MAPK8: variants seen among roughly 807,000 people sequenced by gnomAD.
The protein encoded by MAPK8 is JUN N-terminal kinase.
MAPK8 carries 13 observed loss-of-function variants against 52.9 expected under a neutral mutation model. The observed-to-expected ratio is 0.25, with a 90% CI of 0.16 to 0.39. The LOEUF (loss-of-function observed/expected upper bound fraction) is 0.39. MAPK8 is among the 10% of genes least tolerant of loss of function. MAPK8 has a pLI of 1.00. For missense variants in MAPK8, 300 were observed against 519.2 expected, an observed-to-expected ratio of 0.58 and a Z score of 4.10; for synonymous variants, 191 against 169.8, an observed-to-expected ratio of 1.12 and a Z score of -0.97.
intron 1 of MAPK8, among the ~76,000 whole-genome samples, chr10:48,346,549 A>G (rs2091611): frequency 0.79 from 120,190 of 152,100 alleles, 47,600 homozygotes; most frequent in Middle Eastern, 0.89. Flanking sequence ...ACTGGGAAGC[A>G]GGGGGGAGGG....
At chr10:48,342,685 G>T (rs1845413418) in intron 1 of MAPK8, among the ~76,000 whole-genome samples, 1 of 152,190 alleles carries the variant, frequency 6.6e-6, no homozygotes, top group Admixed American at 6.5e-5. Context: ...GATAGGAGGA[G>T]TAACTCCTCA....
chr10:48,317,946 A>AC lies in MAPK8; in HGVS notation c.-50+11132dup, dbSNP rs1260642697. 9.5e-4 allele frequency among the ~76,000 whole-genome samples: 86 copies of AC among 90,796 alleles called. 1 individual carries two copies. Among genetic ancestry groups the AC allele is most frequent in the Non-Finnish European group, 8.0e-4 (36 of 45,068 alleles). 59.6% of individuals were successfully genotyped at this position (90,796 alleles called of 152,430 possible). On this transcript the variant is annotated intron_variant, in intron 1 of 11. Transcript: ENST00000374189. ...AGTCAGCCTGGTTTTGTGACCCCCC[A>AC]CCCCCCCAGCATTATTTAGCTGATT... is the stretch of plus-strand genomic sequence containing the variant.
At chr10:48,338,417 G>C (rs1025516797) in intron 1 of MAPK8, among the ~76,000 whole-genome samples, 2 of 152,036 alleles carry the variant, frequency 1.3e-5, no homozygotes, top group African/African-American at 4.8e-5. Flanking sequence ...CTAGGCATCA[G>C]AGGAACATAC....
chr10:48,335,831 A>G (rs1018730018), intron 1 of MAPK8, among the ~76,000 whole-genome samples: 8 of 152,208 alleles, frequency 5.3e-5, no homozygotes, highest in African/African-American at 1.9e-4. Flanking sequence ...GAATTTAACA[A>G]GGTAACTGCA....
intron 1 of MAPK8, among the ~76,000 whole-genome samples, chr10:48,356,788 G>C (rs1011259207): frequency 3.0e-5 from 4 of 135,518 alleles, no homozygotes; most frequent in Non-Finnish European, 6.2e-5. Context: ...GTTGCAGTGA[G>C]CTGAATTTGC....
chr10:48,339,660 A>G (rs565988474), intron 1 of MAPK8, among the ~76,000 whole-genome samples: 4 of 152,212 alleles, frequency 2.6e-5, no homozygotes, highest in Non-Finnish European at 5.9e-5. Flanking sequence ...TTTGCAAACT[A>G]TATATCCAGT....
chr10:48,386,252 T>G (rs1589147927), intron 1 of MAPK8, among the ~76,000 whole-genome samples: 1 of 152,140 alleles, frequency 6.6e-6, no homozygotes, highest in African/African-American at 2.4e-5. Context: ...ATGTAACCAA[T>G]TTTTTTGGAT....
intron 1 of MAPK8, among the ~76,000 whole-genome samples, chr10:48,321,934 G>A (rs1843035707): frequency 6.6e-6 from 1 of 152,186 alleles, no homozygotes; most frequent in African/African-American, 2.4e-5. Flanking sequence ...AGATGTGTGA[G>A]TATATTTATA....
chr10:48,391,585 T>C (rs1405535394), intron 1 of MAPK8, among the ~76,000 whole-genome samples: 4 of 152,312 alleles, frequency 2.6e-5, no homozygotes, highest in East Asian at 1.9e-4. Flanking sequence ...AGAAGACTTA[T>C]GTGATCAAAT....
In MAPK8 at chr10:48,397,648, TG is replaced by T. The variant is rs1283319138; in HGVS notation, c.-49-3962del. ...TTCTGTCACCCAGGCTGGAGTGCAG[TG>T]GTACGATCTTGGCTCACTGCAACCT... On this transcript the variant is annotated intron_variant, in intron 1 of 11. Coordinates refer to ENST00000374189, the MANE Select transcript of MAPK8 (RefSeq NM_001323329.2). Among the ~76,000 whole-genome samples the T allele has an allele frequency of 2.0e-5, 3 of 152,238 alleles. No homozygotes were observed. The East Asian group carries it at 5.8e-4, about 29-fold the overall frequency.
chr10:48,346,042 C>T (rs1845739866), intron 1 of MAPK8, among the ~76,000 whole-genome samples: 1 of 152,174 alleles, frequency 6.6e-6, no homozygotes, highest in Non-Finnish European at 1.5e-5. Context: ...TAACCATAGG[C>T]AGGGAGCCTG....
At chr10:48,378,507 T>A (rs1589126196) in intron 1 of MAPK8, among the ~76,000 whole-genome samples, 1 of 152,024 alleles carries the variant, frequency 6.6e-6, no homozygotes, top group East Asian at 1.9e-4. Flanking sequence ...AAAAAGAACC[T>A]ATTCATTAGG....
intron 1 of MAPK8, among the ~76,000 whole-genome samples, chr10:48,330,274 G>A (rs1449955165): frequency 1.3e-5 from 2 of 152,162 alleles, no homozygotes; most frequent in African/African-American, 4.8e-5. Context: ...TGCTAAGACT[G>A]CCATCTCTTT....
chr10:48,359,499 G>A (rs752067271), intron 1 of MAPK8, among the ~76,000 whole-genome samples: 4 of 152,052 alleles, frequency 2.6e-5, no homozygotes, highest in Non-Finnish European at 5.9e-5. Context: ...AGTTTGGGGG[G>A]CTAGCCCTAT....
chr10:48,356,118 A>T (rs1185638445), intron 1 of MAPK8, among the ~76,000 whole-genome samples: 8 of 152,264 alleles, frequency 5.3e-5, no homozygotes, highest in Admixed American at 4.6e-4. Context: ...GAAAGATCAA[A>T]AAGCATAAGA....
rs2043534696 is a variant in MAPK8, at chr10:48,424,232, A to G, written c.688+73A>G. On this transcript the variant is annotated intron_variant, in intron 7 of 11. Transcript: ENST00000374189. ...TTTATGTTCTCTAATGAAAATGAAT[A>G]TGCTACATTTACACAGATGGGTTTT... The G allele has an allele frequency of 1.3e-5, 17 of 1,330,558 alleles. 1 individual carries two copies. The South Asian group carries it at 1.6e-4, about 12-fold the overall frequency. 82.4% of individuals were successfully genotyped at this position (1,330,558 alleles called of 1,614,324 possible).
chr10:48,375,712 C>T (rs1258735822), intron 1 of MAPK8, among the ~76,000 whole-genome samples: 1 of 152,078 alleles, frequency 6.6e-6, no homozygotes, highest in Admixed American at 6.6e-5. Flanking sequence ...AGGAGAACTA[C>T]AAAACATTGC....
At chr10:48,395,102 A>G (rs552818247) in intron 1 of MAPK8, among the ~76,000 whole-genome samples, 4 of 152,118 alleles carry the variant, frequency 2.6e-5, no homozygotes, top group Admixed American at 1.3e-4. Flanking sequence ...GATGTATACC[A>G]TAAATGCAAT....
chr10:48,386,391 T>G (rs901582042), intron 1 of MAPK8, among the ~76,000 whole-genome samples: 1 of 152,224 alleles, frequency 6.6e-6, no homozygotes, highest in African/African-American at 2.4e-5. Flanking sequence ...GATTTAAAAT[T>G]AAAATAGCTT....
Sources: allele counts gnomAD v4.1 joint callset (sites outside exome capture counted in the v4.1 genomes callset), GRCh38; gene constraint gnomAD v4.1.1; transcripts MANE v1.5; gene names NCBI Gene and HGNC (gene_info 2026-07-23, HGNC 2026-07-21).